ATPAF2: variants seen among roughly 807,000 people sequenced by gnomAD.
ATPAF2 encodes the protein ATP synthase mitochondrial F1 complex assembly factor 2, also known as ATP12 homolog.
In ATPAF2, 30 loss-of-function variants were observed where a neutral mutation model predicts 36.6. The ratio of observed to expected loss-of-function variants is 0.82; its 90% CI spans 0.61 to 1.11. ATPAF2 has a LOEUF of 1.11. Among genes scored for constraint, ATPAF2 ranks in the 50% most tolerant of loss-of-function variants. The pLI is 0.00. For synonymous variants in ATPAF2, 140 were observed against 152.6 expected, an observed-to-expected ratio of 0.92 and a Z score of 0.61; for missense variants, 321 against 372.3, an observed-to-expected ratio of 0.86 and a Z score of 1.13.
At chr17:18,022,321 A>T (rs1057058266) in intron 5 of ATPAF2, among the ~76,000 whole-genome samples, 6 of 152,248 alleles carry the variant, frequency 3.9e-5, no homozygotes, top group Admixed American at 3.9e-4. Flanking sequence ...TCGCTCTGTC[A>T]CTCAAGCTGG....
chr17:18,016,113 A>T, downstream of ATPAF2: 1 of 1,614,002 alleles, frequency 6.2e-7, no homozygotes, highest in South Asian at 1.1e-5. Context: ...GCATCGCACG[A>T]CATCCACCTC....
chr17:18,034,510 A>G (rs1196264764), intron 1 of ATPAF2, among the ~76,000 whole-genome samples: 1 of 152,270 alleles, frequency 6.6e-6, no homozygotes, highest in African/African-American at 2.4e-5. Flanking sequence ...AATTCATCAG[A>G]GAAATGCAAA....
In ATPAF2 at chr17:18,019,443, G is replaced by GC. The variant is rs574528718; in HGVS notation, c.733-758dup. 2.5e-3 allele frequency among the ~76,000 whole-genome samples: 379 copies of GC among 152,386 alleles called. 1 individual carries two copies. The highest frequency in any genetic ancestry group is 4.1e-3 in the Non-Finnish European group (281 of 68,042). Reference sequence around the variant, plus strand: ...TGCCTTGCCATGCTGGGCTACAAGTGCCCCCCAGCGCCATGTGGGTGGAAT... The same window carrying GC: ...TGCCTTGCCATGCTGGGCTACAAGTGCCCCCCCAGCGCCATGTGGGTGGAAT... On this transcript the variant is annotated intron_variant, in intron 7 of 7. Coordinates refer to ENST00000474627, the MANE Select transcript of ATPAF2 (RefSeq NM_145691.4).
At position 18,024,690 on chromosome 17, in the gene ATPAF2, T is replaced by C; in HGVS notation, c.437A>G (p.Glu146Gly). 1 of 1,613,668 alleles carries C rather than the reference T, an allele frequency of 6.2e-7. No individual in the cohort carries two copies. Among genetic ancestry groups the C allele is most frequent in the South Asian group, 1.1e-5 (1 of 91,068 alleles). ...TTGAAGTTCCACTAATGTCTCGGGCTCCTCCACCCTGTAGCTAATTCATTG... is the reference window on the plus strand; with the variant it reads ...TTGAAGTTCCACTAATGTCTCGGGCCCCTCCACCCTGTAGCTAATTCATTG... ...DTDTICYRVE[E>G]PETLVELQRN... The change falls in exon 5 of 8, where the codon GAG becomes GGG. Residue 146 changes from glutamate (E) to glycine (G), a missense_variant. By Grantham distance (98) the Glu-to-Gly change is moderately conservative. Transcript: ENST00000474627.
chr17:18,034,685 G>A (rs1442514463), intron 1 of ATPAF2, among the ~76,000 whole-genome samples: 2 of 152,152 alleles, frequency 1.3e-5, no homozygotes, highest in Non-Finnish European at 2.9e-5. Context: ...TCCTCCAAAA[G>A]TTAAACAGAG....
intron 2 of ATPAF2, 42 bp downstream of exon 2, chr17:18,028,570 CAAA>C (rs10652393): frequency 1.5e-3 from 1,962 of 1,339,756 alleles, no homozygotes; most frequent in Non-Finnish European, 1.8e-3. Context: ...CAACCATTCA[CAAA>C]AAAAAAAAAA....
chr17:18,030,119 G>A (rs1346212182), intron 1 of ATPAF2, among the ~76,000 whole-genome samples: 6 of 150,406 alleles, frequency 4.0e-5, no homozygotes, highest in Admixed American at 6.6e-5. Context: ...TCAGGAGTTC[G>A]AGACCAGCCT....
chr17:18,038,677 T>C (rs950491115), intron 1 of ATPAF2, among the ~76,000 whole-genome samples: 2 of 152,230 alleles, frequency 1.3e-5, no homozygotes, highest in Non-Finnish European at 2.9e-5. Flanking sequence ...TATCAATTAC[T>C]GTATCGTGCG....
chr17:18,031,218 G>A (rs1217278409), intron 1 of ATPAF2, among the ~76,000 whole-genome samples: 11 of 139,502 alleles, frequency 7.9e-5, no homozygotes, highest in Middle Eastern at 5.1e-3. Context: ...CTCGTGATCC[G>A]CCCACCTCAG....
chr17:18,021,499 T>C lies in ATPAF2; in HGVS notation c.616+246A>G, dbSNP rs570134158. 490 of 626,932 alleles carry C rather than the reference T, an allele frequency of 7.8e-4. 2 individuals are homozygous for C. The Middle Eastern group carries it at 0.014, about 17-fold the overall frequency. The allele number at this position is 626,932 out of a possible 1,614,324, so 38.8% of individuals were successfully genotyped here. A position where few individuals can be genotyped will look rare whatever the true frequency, so the allele number is the denominator to read the frequency against. On this transcript the variant is annotated intron_variant, in intron 6 of 7. Coordinates refer to ENST00000474627, the MANE Select transcript of ATPAF2 (RefSeq NM_145691.4). ...CTAGTGATTGGTTCATGGATGGACA[T>C]GTGACCCAAGCCAGGGCAATGAGAT... is the stretch of plus-strand genomic sequence containing the variant.
At chr17:18,023,290 G>T (rs1233758607) in intron 5 of ATPAF2, among the ~76,000 whole-genome samples, 1 of 151,584 alleles carries the variant, frequency 6.6e-6, no homozygotes, top group South Asian at 2.1e-4. Flanking sequence ...AATTAGCTGG[G>T]CGTGGTGGGC....
chr17:18,022,424 G>C (rs1405280813), intron 5 of ATPAF2, among the ~76,000 whole-genome samples: 1 of 151,982 alleles, frequency 6.6e-6, no homozygotes, highest in East Asian at 1.9e-4. Flanking sequence ...TGGGACTACA[G>C]GCATGTGCCA....
chr17:18,037,697 T>G (rs995049471), intron 1 of ATPAF2, among the ~76,000 whole-genome samples: 15 of 152,202 alleles, frequency 9.9e-5, no homozygotes, highest in African/African-American at 3.6e-4. Flanking sequence ...AGTAGTTGCA[T>G]GCCCAAGATC....
chr17:18,033,243 C>A (rs187313984), intron 1 of ATPAF2, among the ~76,000 whole-genome samples: 25 of 151,864 alleles, frequency 1.6e-4, no homozygotes, highest in Admixed American at 1.2e-3. Context: ...GTATTGCCTG[C>A]CTGTAATACC....
intron 1 of ATPAF2, among the ~76,000 whole-genome samples, chr17:18,038,024 G>A (rs2044729559): frequency 6.6e-6 from 1 of 152,194 alleles, no homozygotes. Flanking sequence ...CCCTTATCAG[G>A]ATATTATAAA....
chr17:18,028,095 T>G, intron 3 of ATPAF2, 137 bp downstream of exon 3: 1 of 1,014,308 alleles, frequency 9.9e-7, no homozygotes, highest in Non-Finnish European at 1.6e-6. Flanking sequence ...CGTTAGTGAC[T>G]TGAGAGGAGG....
chr17:18,034,558 G>A (rs998173644), intron 1 of ATPAF2, among the ~76,000 whole-genome samples: 2 of 152,106 alleles, frequency 1.3e-5, no homozygotes, highest in Non-Finnish European at 2.9e-5. Flanking sequence ...AACCCTTTAG[G>A]ACAGCTGTAA....
chr17:18,025,568 A>G (rs1232669822), intron 4 of ATPAF2: 6 of 154,176 alleles, frequency 3.9e-5, no homozygotes, highest in African/African-American at 1.2e-4. Flanking sequence ...CTGACATTGG[A>G]TCTTCCAGCT....
rs530533874 is a variant in ATPAF2, at chr17:18,029,138, C to T, written c.134-479G>A. 9.8e-5 allele frequency among the ~76,000 whole-genome samples: 15 copies of T among 152,340 alleles called. No homozygotes were observed. The South Asian group carries it at 2.7e-3, about 27-fold the overall frequency. On this transcript the variant is annotated intron_variant, in intron 1 of 7. Transcript: ENST00000474627. ...TGATACATCGGCAGGATACAGAGCTCCCAAGGGCATTTCCCATCCCCTCTC... is the reference window on the plus strand; with the variant it reads ...TGATACATCGGCAGGATACAGAGCTTCCAAGGGCATTTCCCATCCCCTCTC...
Sources: allele counts gnomAD v4.1 joint callset (sites outside exome capture counted in the v4.1 genomes callset), GRCh38; gene constraint gnomAD v4.1.1; transcripts MANE v1.5; gene names NCBI Gene and HGNC (gene_info 2026-07-23, HGNC 2026-07-21).